The following TLN2 variants were observed in gnomAD, a reference collection of about 807,000 sequenced individuals.
The protein encoded by TLN2 is talin-2.
A neutral mutation model predicts 294.7 loss-of-function variants in TLN2; 118 were observed. That is an observed-to-expected ratio of 0.40 (90% CI 0.34 to 0.47). The LOEUF (loss-of-function observed/expected upper bound fraction) is 0.47. Ranked by LOEUF, TLN2 falls within the 20% of genes least tolerant of loss-of-function variation. The pLI is 0.84. For missense variants in TLN2, 3,083 were observed against 3,282.2 expected, an observed-to-expected ratio of 0.94 and a Z score of 1.48; for synonymous variants, 1,431 against 1,304.5, an observed-to-expected ratio of 1.10 and a Z score of -2.09.
chr15:62,489,639 C>A (rs190868682), intron 1 of TLN2, among the ~76,000 whole-genome samples: 1 of 152,304 alleles, frequency 6.6e-6, no homozygotes, highest in African/African-American at 2.4e-5. Flanking sequence ...TTCCCTTCCC[C>A]TTAGATGTGG....
chr15:62,433,392 C>CAT (rs2035119211), intron 1 of TLN2, among the ~76,000 whole-genome samples: 1 of 152,100 alleles, frequency 6.6e-6, no homozygotes, highest in Non-Finnish European at 1.5e-5. Flanking sequence ...TCTGAAACTC[C>CAT]ATAGGGCCTG....
intron 54 of TLN2, among the ~76,000 whole-genome samples, chr15:62,822,070 C>A (rs1356704603): frequency 1.3e-5 from 2 of 152,154 alleles, no homozygotes; most frequent in African/African-American, 4.8e-5. Flanking sequence ...AACACTTCAC[C>A]ATATTCTAAG....
chr15:62,584,501 A>G (rs2045422245), intron 1 of TLN2, among the ~76,000 whole-genome samples: 1 of 152,164 alleles, frequency 6.6e-6, no homozygotes, highest in Non-Finnish European at 1.5e-5. Flanking sequence ...CTTGCTCTTC[A>G]TTGAGTTTCC....
chr15:62,675,147 A>G lies in TLN2; in HGVS notation c.853-70A>G, dbSNP rs1483926972. 5.6e-6 allele frequency: 8 copies of G among 1,428,500 alleles called. No individual in the cohort carries two copies. In the Admixed American group the frequency reaches 1.0e-4, roughly 18 times the overall value. The allele number at this position is 1,428,500 out of a possible 1,614,324, so 88.5% of individuals were successfully genotyped here. A position where few individuals can be genotyped will look rare whatever the true frequency, so the allele number is the denominator to read the frequency against. ...CCATTTATCTCCACCACATACAGTAACTACCTCTCTCCAAGTCCACCTGCT... is the reference window on the plus strand; with the variant it reads ...CCATTTATCTCCACCACATACAGTAGCTACCTCTCTCCAAGTCCACCTGCT... On this transcript the variant is annotated intron_variant, in intron 10 of 58. Transcript: ENST00000636159.
chr15:62,554,320 G>T (rs1209573117), intron 1 of TLN2, among the ~76,000 whole-genome samples: 1 of 149,112 alleles, frequency 6.7e-6, no homozygotes, highest in African/African-American at 2.5e-5. Context: ...CGTAGATAAA[G>T]ATTTCCTTGA....
chr15:62,639,235 A>G (rs950394111), intron 3 of TLN2, among the ~76,000 whole-genome samples: 6 of 122,444 alleles, frequency 4.9e-5, no homozygotes, highest in African/African-American at 1.8e-4. Flanking sequence ...TTATAGATCT[A>G]TATCTATATC....
intron 1 of TLN2, among the ~76,000 whole-genome samples, chr15:62,391,111 G>T (rs912999416): frequency 6.6e-6 from 1 of 152,170 alleles, no homozygotes; most frequent in South Asian, 2.1e-4. Context: ...CCCCAGCCGG[G>T]CCCCCGCGCC....
At position 62,699,607 on chromosome 15, in the gene TLN2, C is replaced by A. The variant is rs1432444225; in HGVS notation, c.1587+740C>A. The stretch of plus-strand genomic sequence containing the variant: ...CACTGCTCAAATCGTGGTCCCAGGA[C>A]CAGCAGCATTGGCAATTCCTAGGGT... On this transcript the variant is annotated intron_variant, in intron 16 of 58. Coordinates refer to ENST00000636159, the MANE Select transcript of TLN2 (RefSeq NM_015059.3). 2.0e-5 allele frequency among the ~76,000 whole-genome samples: 3 copies of A among 152,188 alleles called. No individual in the cohort carries two copies. In the East Asian group the frequency reaches 5.8e-4, roughly 29 times the overall value.
chr15:62,652,286 C>T (rs1266102656), intron 6 of TLN2, 152 bp downstream of exon 6: 1 of 776,734 alleles, frequency 1.3e-6, no homozygotes, highest in African/African-American at 1.8e-5. Context: ...GTCCATTCTC[C>T]CAACTTGCCA....
chr15:62,675,379 C>T, intron 11 of TLN2, 58 bp downstream of exon 11: 3 of 1,564,120 alleles, frequency 1.9e-6, no homozygotes, highest in East Asian at 4.5e-5. Context: ...TTCTTTTGTT[C>T]AAGCGTTTGC....
chr15:62,739,646 A>G, intron 31 of TLN2, 101 bp downstream of exon 31: 7 of 1,406,500 alleles, frequency 5.0e-6, no homozygotes, highest in South Asian at 1.4e-5. Context: ...AGGAACCTGG[A>G]AACAGGCAGG....
chr15:62,577,166 G>A (rs150111053), intron 1 of TLN2, among the ~76,000 whole-genome samples: 70 of 152,302 alleles, frequency 4.6e-4, no homozygotes, highest in African/African-American at 1.5e-3. Context: ...CTACTTTGCC[G>A]GGCGCGGTGG....
Position 62,739,591 on chromosome 15 carries a change from T to A in TLN2, c.3885+46T>A. ...CTGGAGTTGACCTTAGCCTCTCCTC[T>A]CGGATGGATAATCCATCCTTGAGAC... On this transcript the variant is annotated intron_variant, in intron 31 of 58. Coordinates refer to ENST00000636159, the MANE Select transcript of TLN2 (RefSeq NM_015059.3). 3 of 1,600,556 alleles carry A rather than the reference T, an allele frequency of 1.9e-6. No homozygotes were observed. The African/African-American group carries it at 4.0e-5, about 21-fold the overall frequency.
At chr15:62,696,478 G>A (rs758913800) in intron 14 of TLN2, among the ~76,000 whole-genome samples, 33 of 152,266 alleles carry the variant, frequency 2.2e-4, no homozygotes, top group African/African-American at 7.5e-4. Context: ...AGGCTGAGGC[G>A]GGTGGTTCAC....
chr15:62,816,391 A>T (rs1028382586), intron 52 of TLN2, among the ~76,000 whole-genome samples: 6 of 152,242 alleles, frequency 3.9e-5, no homozygotes, highest in Admixed American at 3.3e-4. Context: ...GGCTAAAATT[A>T]TCCTTGCTTC....
intron 1 of TLN2, among the ~76,000 whole-genome samples, chr15:62,487,075 T>C (rs1225103840): frequency 6.6e-6 from 1 of 152,164 alleles, no homozygotes; most frequent in Non-Finnish European, 1.5e-5. Context: ...TTGGAGTTCC[T>C]AGGAGTGGAA....
At chr15:62,546,478 G>GA (rs201040622) in intron 1 of TLN2, among the ~76,000 whole-genome samples, 2,617 of 152,256 alleles carry the variant, frequency 0.017, 37 homozygotes, top group Admixed American at 0.027. Context: ...CCATAGTTGT[G>GA]AACTACTAAG....
chr15:62,479,185 T>C (rs2037945314), intron 1 of TLN2, among the ~76,000 whole-genome samples: 1 of 152,178 alleles, frequency 6.6e-6, no homozygotes, highest in Admixed American at 6.5e-5. Flanking sequence ...GGAGCTGGAT[T>C]CAAATCCCAG....
chr15:62,414,628 C>A (rs951521577), intron 1 of TLN2, among the ~76,000 whole-genome samples: 1 of 141,376 alleles, frequency 7.1e-6, no homozygotes, highest in African/African-American at 2.5e-5. Context: ...TATGTAACAG[C>A]AAAAGTGATT....
Sources: allele counts gnomAD v4.1 joint callset (sites outside exome capture counted in the v4.1 genomes callset), GRCh38; gene constraint gnomAD v4.1.1; transcripts MANE v1.5; gene names NCBI Gene and HGNC (gene_info 2026-07-23, HGNC 2026-07-21).